GSE1: variants seen among roughly 807,000 people sequenced by gnomAD.
GSE1 encodes genetic suppressor element 1.
In GSE1, 32 loss-of-function variants were observed where a neutral mutation model predicts 112.6. The ratio of observed to expected loss-of-function variants is 0.28; its 90% CI spans 0.21 to 0.38. The LOEUF (loss-of-function observed/expected upper bound fraction) is 0.38, where lower values mean the gene tolerates loss of function less well. Among genes scored for constraint, GSE1 ranks in the 10% least tolerant of loss-of-function variants. GSE1 has a pLI of 1.00. For missense variants in GSE1, 2,348 were observed against 1,699.2 expected, an observed-to-expected ratio of 1.38 and a Z score of -6.71; for synonymous variants, 1,115 against 735.6, an observed-to-expected ratio of 1.52 and a Z score of -8.35.
chr16:85,559,973 G>T (rs1266380183), intron 1 of GSE1, among the ~76,000 whole-genome samples: 1 of 152,182 alleles, frequency 6.6e-6, no homozygotes, highest in Non-Finnish European at 1.5e-5. Flanking sequence ...GCAAGAAACA[G>T]AATGAGCAGG....
At chr16:85,251,672 C>T (rs1432700012) in intron 1 of GSE1, among the ~76,000 whole-genome samples, 1 of 151,158 alleles carries the variant, frequency 6.6e-6, no homozygotes, top group Non-Finnish European at 1.5e-5. Flanking sequence ...TGGGCACGTG[C>T]CCTCTTTCAC....
At chr16:85,557,425 T>C (rs2045288637) in intron 1 of GSE1, among the ~76,000 whole-genome samples, 1 of 151,928 alleles carries the variant, frequency 6.6e-6, no homozygotes, top group Non-Finnish European at 1.5e-5. Flanking sequence ...GAGGGTGATG[T>C]GGGGGTGTAG....
chr16:85,494,454 T>C (rs2051106321), intron 2 of GSE1, among the ~76,000 whole-genome samples: 1 of 24,396 alleles, frequency 4.1e-5, no homozygotes, highest in Non-Finnish European at 7.6e-5. Flanking sequence ...TAAGGTCACC[T>C]TTTTTTTTTT....
At chr16:85,637,345 G>T (rs1429183727) in intron 2 of GSE1, among the ~76,000 whole-genome samples, 1 of 152,218 alleles carries the variant, frequency 6.6e-6, no homozygotes, top group African/African-American at 2.4e-5. Flanking sequence ...TGCTTCTCGT[G>T]GCTGGACGAC....
upstream of GSE1, among the ~76,000 whole-genome samples, chr16:85,607,535 G>A (rs1464202052): frequency 2.0e-5 from 3 of 152,232 alleles, no homozygotes; most frequent in Non-Finnish European, 2.9e-5. Flanking sequence ...AGGGCAGGAA[G>A]TGTGGGGCAG....
At chr16:85,647,900 T>C (rs2151867771) in intron 2 of GSE1, among the ~76,000 whole-genome samples, 1 of 152,284 alleles carries the variant, frequency 6.6e-6, no homozygotes, top group South Asian at 2.1e-4. Flanking sequence ...TGACCGCTTC[T>C]TGTGTTTGTT....
At chr16:85,343,282 A>G (rs7186617) in intron 1 of GSE1, among the ~76,000 whole-genome samples, 108,782 of 152,070 alleles carry the variant, frequency 0.72, 39,520 homozygotes, top group East Asian at 0.88. Flanking sequence ...TTCCATTTCC[A>G]TTACGTGCTT....
intron 1 of GSE1, among the ~76,000 whole-genome samples, chr16:85,631,013 G>GA (rs2049497129): frequency 6.6e-6 from 1 of 152,154 alleles, no homozygotes; most frequent in Non-Finnish European, 1.5e-5. Context: ...TATCCCCTGG[G>GA]GGGGTGGTCT....
At chr16:85,324,440 G>T (rs986946429) in intron 1 of GSE1, among the ~76,000 whole-genome samples, 3 of 151,588 alleles carry the variant, frequency 2.0e-5, no homozygotes, top group South Asian at 2.1e-4. Context: ...AACCTGGGAG[G>T]CAGAGGTTGC....
At chr16:85,430,173 G>A (rs535056757) in intron 2 of GSE1, among the ~76,000 whole-genome samples, 138 of 152,324 alleles carry the variant, frequency 9.1e-4, no homozygotes, top group African/African-American at 3.2e-3. Flanking sequence ...AACGTTGCCC[G>A]TGAGCACATT....
chr16:85,665,686 G>A (rs1016482222), intron 12 of GSE1, among the ~76,000 whole-genome samples: 20 of 152,188 alleles, frequency 1.3e-4, no homozygotes, highest in South Asian at 1.0e-3. Flanking sequence ...TCTCTTGTCC[G>A]GTTGGACTGA....
At chr16:85,497,992 C>G (rs1433326302) in intron 2 of GSE1, among the ~76,000 whole-genome samples, 1 of 152,036 alleles carries the variant, frequency 6.6e-6, no homozygotes, top group East Asian at 1.9e-4. Context: ...GACGAGGGAC[C>G]CCACGCCCTG....
chr16:85,422,248 C>T (rs2048862196), intron 2 of GSE1, among the ~76,000 whole-genome samples: 1 of 152,176 alleles, frequency 6.6e-6, no homozygotes, highest in Non-Finnish European at 1.5e-5. Flanking sequence ...ATCCCGTTGA[C>T]ATTATCGGCA....
At chr16:85,670,646 T>C (rs2053255890) in intron 14 of GSE1, 1 of 164,020 alleles carries the variant, frequency 6.1e-6, no homozygotes, top group Admixed American at 6.3e-5. Context: ...ATCTGTGCTT[T>C]AGGTGTACTC....
chr16:85,597,823 G>C (rs2047298388), intron 1 of GSE1, among the ~76,000 whole-genome samples: 1 of 152,192 alleles, frequency 6.6e-6, no homozygotes. Context: ...CTGGTCTCAG[G>C]TTAGATCTTT....
chr16:85,307,726 C>T (rs905467508), intron 1 of GSE1, among the ~76,000 whole-genome samples: 21 of 152,212 alleles, frequency 1.4e-4, no homozygotes, highest in Non-Finnish European at 2.2e-4. Context: ...CCAGCACCTC[C>T]GCACGTCAAG....
intron 1 of GSE1, among the ~76,000 whole-genome samples, chr16:85,596,865 G>A (rs945686877): frequency 2.0e-5 from 3 of 152,136 alleles, no homozygotes; most frequent in Admixed American, 6.6e-5. Context: ...GCAAAACCCT[G>A]TCTCTACTAA....
intron 2 of GSE1, among the ~76,000 whole-genome samples, chr16:85,411,280 CT>C (rs869176651): frequency 1.6e-4 from 2 of 12,372 alleles, no homozygotes; most frequent in Non-Finnish European, 2.2e-4. Context: ...CAGGGCCCCC[CT>C]GGATAATCCT....
chr16:85,664,062 C>A (rs1418758135), intron 11 of GSE1, among the ~76,000 whole-genome samples: 1 of 152,274 alleles, frequency 6.6e-6, no homozygotes. Context: ...ACACACTGAG[C>A]AGATGGCTTG....
Sources: allele counts gnomAD v4.1 joint callset (sites outside exome capture counted in the v4.1 genomes callset), GRCh38; gene constraint gnomAD v4.1.1; transcripts MANE v1.5; gene names NCBI Gene and HGNC (gene_info 2026-07-23, HGNC 2026-07-21).